The following RDX variants were observed in gnomAD, a reference collection of about 807,000 sequenced individuals.
RDX encodes the protein deafness, autosomal recessive 24.
RDX carries 32 observed loss-of-function variants against 83.7 expected under a neutral mutation model. The observed-to-expected ratio is 0.38, with a 90% CI of 0.29 to 0.51. RDX has a LOEUF of 0.51. Among genes scored for constraint, RDX ranks in the 20% least tolerant of loss-of-function variants. RDX has a pLI of 0.87. For missense variants in RDX, 600 were observed against 689.9 expected, an observed-to-expected ratio of 0.87 and a Z score of 1.46; for synonymous variants, 229 against 222.7, an observed-to-expected ratio of 1.03 and a Z score of -0.25.
chr11:110,290,395 C>G (rs1861185971), intron 1 of RDX, among the ~76,000 whole-genome samples: 1 of 151,980 alleles, frequency 6.6e-6, no homozygotes, highest in South Asian at 2.1e-4. Flanking sequence ...TCCTATAGTT[C>G]CAGCTACTTG....
intron 7 of RDX, among the ~76,000 whole-genome samples, chr11:110,256,018 T>C (rs1350484014): frequency 6.6e-6 from 1 of 152,202 alleles, no homozygotes; most frequent in South Asian, 2.1e-4. Flanking sequence ...TACACAGCAG[T>C]TGACTCCGTT....
chr11:110,283,675 C>A (rs1403565666), intron 1 of RDX, among the ~76,000 whole-genome samples: 1 of 151,762 alleles, frequency 6.6e-6, no homozygotes. Context: ...GCCTGGAAAA[C>A]ATAGCAAGAC....
intron 14 of RDX, among the ~76,000 whole-genome samples, chr11:110,214,514 T>A (rs1210593180): frequency 8.2e-6 from 1 of 121,394 alleles, no homozygotes; most frequent in African/African-American, 3.2e-5. Flanking sequence ...GGACTATAAA[T>A]CATGCTGCTA....
chr11:110,292,823 G>T (rs1488195552), intron 1 of RDX, among the ~76,000 whole-genome samples: 1 of 152,118 alleles, frequency 6.6e-6, no homozygotes, highest in South Asian at 2.1e-4. Context: ...CTTTCAACAG[G>T]ATGTTTTTTC....
At chr11:110,215,370 A>AAAAT (rs1464040543) in intron 14 of RDX, among the ~76,000 whole-genome samples, 1 of 43,848 alleles carries the variant, frequency 2.3e-5, no homozygotes, top group Non-Finnish European at 4.8e-5. Context: ...CTCAAAAAAT[A>AAAAT]AATAAATAAA....
At chr11:110,237,422 T>G in intron 11 of RDX, 70 bp downstream of exon 11, 1 of 1,474,936 alleles carries the variant, frequency 6.8e-7, no homozygotes, top group Non-Finnish European at 9.2e-7. Flanking sequence ...TGCTTTTCTT[T>G]TTTTCTTTTT....
At chr11:110,223,980 G>C (rs771909749) in intron 14 of RDX, among the ~76,000 whole-genome samples, 5 of 151,944 alleles carry the variant, frequency 3.3e-5, no homozygotes, top group Non-Finnish European at 5.9e-5. Context: ...AGCCGAGATA[G>C]CGCCATTGCA....
intron 3 of RDX, among the ~76,000 whole-genome samples, chr11:110,268,213 C>A (rs1409432955): frequency 6.7e-6 from 1 of 149,766 alleles, no homozygotes; most frequent in Admixed American, 6.7e-5. Flanking sequence ...GAGGTTGAGG[C>A]GGAGAACTGC....
chr11:110,287,375 G>A (rs891625700), intron 1 of RDX, among the ~76,000 whole-genome samples: 2 of 151,962 alleles, frequency 1.3e-5, no homozygotes, highest in Non-Finnish European at 2.9e-5. Context: ...AAAAATAGAC[G>A]ACACAGTCTC....
intron 10 of RDX, among the ~76,000 whole-genome samples, chr11:110,244,363 CAA>C (rs71053874): frequency 0.043 from 2,178 of 51,110 alleles, 17 homozygotes; most frequent in African/African-American, 0.16. Flanking sequence ...GATTCTGGCT[CAA>C]AAAAAAAAAA....
At chr11:110,293,755 C>G (rs1199289978) in intron 1 of RDX, among the ~76,000 whole-genome samples, 2 of 152,086 alleles carry the variant, frequency 1.3e-5, no homozygotes, top group African/African-American at 2.4e-5. Flanking sequence ...TTGACTTCCC[C>G]GATGCACAGA....
At chr11:110,179,200 G>A (rs1301229510) in intron 15 of RDX, among the ~76,000 whole-genome samples, 1 of 152,174 alleles carries the variant, frequency 6.6e-6, no homozygotes, top group African/African-American at 2.4e-5. Context: ...TTGGAAGTAG[G>A]ATCAAACTAG....
intron 2 of RDX, 174 bp from the exon 3 acceptor site, chr11:110,272,793 C>G (rs1453273011): frequency 2.8e-5 from 17 of 601,262 alleles, no homozygotes. Flanking sequence ...CTATTGAATA[C>G]TTAACATATA....
intron 5 of RDX, among the ~76,000 whole-genome samples, chr11:110,263,652 G>A (rs1364637966): frequency 1.3e-5 from 2 of 151,714 alleles, no homozygotes; most frequent in Non-Finnish European, 2.9e-5. Context: ...CTTGAGCTCA[G>A]GAGTTTGAGA....
intron 14 of RDX, among the ~76,000 whole-genome samples, chr11:110,216,536 T>C (rs995504411): frequency 6.7e-4 from 84 of 124,946 alleles, no homozygotes; most frequent in African/African-American, 2.4e-3. Flanking sequence ...ACACCAATTT[T>C]TTTTCTTTTT....
At chr11:110,284,309 T>C (rs754746433) in intron 1 of RDX, among the ~76,000 whole-genome samples, 1 of 152,230 alleles carries the variant, frequency 6.6e-6, no homozygotes, top group African/African-American at 2.4e-5. Context: ...TATCAAGATA[T>C]TCACAGCAGC....
intron 1 of RDX, among the ~76,000 whole-genome samples, chr11:110,286,075 C>A (rs1420676757): frequency 6.6e-6 from 1 of 152,032 alleles, no homozygotes; most frequent in African/African-American, 2.4e-5. Flanking sequence ...TTTTAATCTG[C>A]AAGTTTATTG....
rs981297122 is a variant in RDX, at chr11:110,184,815, C to T, written c.*32-9581G>A. On this transcript the variant is annotated intron_variant, in intron 15 of 15. Coordinates refer to the RDX transcript ENST00000528498. Reference sequence around the variant, plus strand: ...TTTGTGGAGTAAAAGAAAGCAGACACGACACATAGAACCTGCTGAATGATG... The same window carrying T: ...TTTGTGGAGTAAAAGAAAGCAGACATGACACATAGAACCTGCTGAATGATG... Among the ~76,000 whole-genome samples, 12 of 152,262 alleles carry T rather than the reference C, an allele frequency of 7.9e-5. No homozygotes were observed. In the South Asian group the frequency reaches 8.3e-4, roughly 11 times the overall value.
At chr11:110,199,834 C>T (rs1863341467) in intron 14 of RDX, among the ~76,000 whole-genome samples, 1 of 152,188 alleles carries the variant, frequency 6.6e-6, no homozygotes, top group South Asian at 2.1e-4. Context: ...AAACTGTCTG[C>T]CTAATCTTTA....
Sources: allele counts gnomAD v4.1 joint callset (sites outside exome capture counted in the v4.1 genomes callset), GRCh38; gene constraint gnomAD v4.1.1; transcripts MANE v1.5; gene names NCBI Gene and HGNC (gene_info 2026-07-23, HGNC 2026-07-21).